The following CDK13 variants were observed in gnomAD, a reference collection of about 807,000 sequenced individuals.
CDK13 encodes the protein cyclin dependent kinase 13.
A neutral mutation model predicts 137.6 loss-of-function variants in CDK13; 40 were observed. The ratio of observed to expected loss-of-function variants is 0.29; its 90% CI spans 0.23 to 0.38. The LOEUF is 0.38. Ranked by LOEUF, CDK13 falls within the 10% of genes least tolerant of loss-of-function variation. The pLI is 1.00. For synonymous variants in CDK13, 869 were observed against 760.1 expected, an observed-to-expected ratio of 1.14 and a Z score of -2.36; for missense variants, 1,704 against 1,951.8, an observed-to-expected ratio of 0.87 and a Z score of 2.39.
chr7:40,004,399 G>T (rs1391302003), intron 5 of CDK13, among the ~76,000 whole-genome samples: 1 of 152,110 alleles, frequency 6.6e-6, no homozygotes, highest in Non-Finnish European at 1.5e-5. Context: ...TGATAAATAA[G>T]AATGTGTTCT....
In CDK13 at chr7:39,997,486, ACTTT is replaced by A. The variant is rs752595381; in HGVS notation, c.1872-6_1872-3del. The A allele has an allele frequency of 1.9e-6, 3 of 1,585,974 alleles. No individual in the cohort carries two copies. Among genetic ancestry groups the A allele is most frequent in the Admixed American group, 4.0e-5 (2 of 49,776 alleles). On this transcript the variant is annotated splice_polypyrimidine_tract_variant and splice_region_variant and intron_variant, in intron 2 of 13. Transcript: ENST00000181839. ...TTGTTTTATTTGTCTGACTTCTTTCACTTTCAGCTTACGAGGAAATATTTCAGTA... is the reference window on the plus strand; with the variant it reads ...TTGTTTTATTTGTCTGACTTCTTTCACAGCTTACGAGGAAATATTTCAGTA...
Position 39,950,748 on chromosome 7 carries a change from A to G in CDK13, c.107A>G (p.Gln36Arg). ...RKRRRFLSPQ[Q>R]PPLLLPLLQP... ...CGGAGGCGATTCCTGTCCCCTCAGC[A>G]GCCGCCGCTGCTGTTGCCGCTCCTG... Residue 36 changes from glutamine (Q) to arginine (R), a missense_variant, in exon 1 of 14, where the codon CAG becomes CGG. Around this residue, in one of 5 missense-constraint regions of CDK13, gnomAD observed 1,051 missense variants for 931.0 expected, o/e 1.13. Coordinates refer to ENST00000181839, the MANE Select transcript of CDK13 (RefSeq NM_003718.5). 6.8e-7 allele frequency: 1 copy of G among 1,474,688 alleles called. No individual in the cohort carries two copies. The highest frequency in any genetic ancestry group is 8.9e-7 in the Non-Finnish European group (1 of 1,120,774). The allele number at this position is 1,474,688 out of a possible 1,614,324, so 91.4% of individuals were successfully genotyped here.
At chr7:40,060,094 AAG>A (rs1175132039) in intron 7 of CDK13, among the ~76,000 whole-genome samples, 1 of 152,182 alleles carries the variant, frequency 6.6e-6, no homozygotes, top group East Asian at 1.9e-4. Context: ...AATTAATAAA[AAG>A]TATATTCTAG....
chr7:40,004,298 G>C (rs146514085), intron 5 of CDK13, among the ~76,000 whole-genome samples: 1 of 151,958 alleles, frequency 6.6e-6, no homozygotes, highest in South Asian at 2.1e-4. Context: ...AGTGCCTAGC[G>C]CTGCATTTCA....
At chr7:40,081,773 C>T (rs373554934) in intron 11 of CDK13, among the ~76,000 whole-genome samples, 80 of 152,012 alleles carry the variant, frequency 5.3e-4, no homozygotes, top group Admixed American at 5.9e-4. Flanking sequence ...CTACCACGCC[C>T]GGCTAATTTT....
At position 40,017,909 on chromosome 7, in the gene CDK13, A is replaced by G. The variant is rs1785035556; in HGVS notation, c.2353+15878A>G. ...CAGTGTTCTGCCATCTTTAGCCTGT[A>G]TGAAATTCCCACGTTCTTTTTTTTT... On this transcript the variant is annotated intron_variant, in intron 5 of 13. Coordinates refer to ENST00000181839, the MANE Select transcript of CDK13 (RefSeq NM_003718.5). 2.0e-5 allele frequency among the ~76,000 whole-genome samples: 3 copies of G among 151,034 alleles called. No homozygotes were observed. The South Asian group carries it at 6.2e-4, about 31-fold the overall frequency.
At chr7:40,012,214 G>C (rs1344580321) in intron 5 of CDK13, among the ~76,000 whole-genome samples, 1 of 152,182 alleles carries the variant, frequency 6.6e-6, no homozygotes, top group Non-Finnish European at 1.5e-5. Flanking sequence ...TACAGAGAGA[G>C]TACAATGGTG....
chr7:39,968,073 G>A (rs900203664), intron 1 of CDK13, among the ~76,000 whole-genome samples: 26 of 152,050 alleles, frequency 1.7e-4, no homozygotes, highest in African/African-American at 4.8e-4. Context: ...TCCTTTGCCC[G>A]TTTTTGAAAT....
intron 1 of CDK13, chr7:39,952,700 A>C (rs1204672333): frequency 6.6e-6 from 1 of 152,174 alleles, no homozygotes; most frequent in Non-Finnish European, 1.5e-5. Flanking sequence ...TTTTTCTTAG[A>C]TATATACCCG....
chr7:40,092,165 AT>A (rs1422798066), intron 12 of CDK13: 2 of 152,214 alleles, frequency 1.3e-5, no homozygotes, highest in Non-Finnish European at 2.9e-5. Flanking sequence ...AATCTGAAAA[AT>A]GTCATGATTT....
intron 9 of CDK13, among the ~76,000 whole-genome samples, chr7:40,068,527 CTA>C (rs1786334263): frequency 6.6e-6 from 1 of 151,422 alleles, no homozygotes; most frequent in Non-Finnish European, 1.5e-5. Flanking sequence ...ATCCCTGTCT[CTA>C]CTAAAAATAC....
chr7:40,007,887 G>A (rs1000091840), intron 5 of CDK13, among the ~76,000 whole-genome samples: 1 of 152,202 alleles, frequency 6.6e-6, no homozygotes, highest in Non-Finnish European at 1.5e-5. Context: ...TGGAGAGGTA[G>A]GAATGTTCTG....
Position 40,003,206 on chromosome 7 carries a change from A to ACACACACTCT in CDK13, c.2353+1176_2353+1177insACACACTCTC, listed in dbSNP as rs374470130. On this transcript the variant is annotated intron_variant, in intron 5 of 13. Coordinates refer to ENST00000181839, the MANE Select transcript of CDK13 (RefSeq NM_003718.5). ...CACACACACACACACACACACACAC[A>ACACACACTCT]CTCTCTCTCTCTCTCTCTCTTACTC... is the stretch of plus-strand genomic sequence containing the variant. Among the ~76,000 whole-genome samples the ACACACACTCT allele has an allele frequency of 1.6e-4, 13 of 79,900 alleles. 1 individual carries two copies. Among genetic ancestry groups the ACACACACTCT allele is most frequent in the East Asian group, 8.3e-4 (2 of 2,410 alleles). 52.4% of individuals were successfully genotyped at this position (79,900 alleles called of 152,430 possible). A position where few individuals can be genotyped will look rare whatever the true frequency, so the allele number is the denominator to read the frequency against.
At chr7:40,075,197 A>T (rs1399034938) in intron 9 of CDK13, among the ~76,000 whole-genome samples, 1 of 152,162 alleles carries the variant, frequency 6.6e-6, no homozygotes, top group Non-Finnish European at 1.5e-5. Context: ...CCCAAAGTAT[A>T]CCTCAGGTAA....
At chr7:40,065,482 CAAA>C (rs916024990) in intron 9 of CDK13, among the ~76,000 whole-genome samples, 1 of 148,284 alleles carries the variant, frequency 6.7e-6, no homozygotes, top group Non-Finnish European at 1.5e-5. Context: ...AAAAAAATTC[CAAA>C]AAAAAAATCT....
intron 1 of CDK13, among the ~76,000 whole-genome samples, chr7:39,974,141 G>A (rs576515137): frequency 1.3e-5 from 2 of 152,256 alleles, no homozygotes; most frequent in South Asian, 2.1e-4. Flanking sequence ...TTGATAGGGA[G>A]TACATTGATT....
At chr7:39,972,589 G>A (rs931357135) in intron 1 of CDK13, among the ~76,000 whole-genome samples, 8 of 152,138 alleles carry the variant, frequency 5.3e-5, no homozygotes, top group Non-Finnish European at 5.9e-5. Context: ...GATCTTTTAT[G>A]GCTGGATTCT....
Position 39,950,856 on chromosome 7 carries a change from C to T in CDK13, c.215C>T (p.Ala72Val). Reference protein sequence around the residue: ...AAPGTAAAAAAAAAASSSCFS... With the variant: ...AAPGTAAAAAVAAAASSSCFS... ...CCCGGCACGGCCGCCGCCGCAGCCGCCGCCGCCGCGGCCTCCTCCTCTTGC... is the reference window on the plus strand; with the variant it reads ...CCCGGCACGGCCGCCGCCGCAGCCGTCGCCGCCGCGGCCTCCTCCTCTTGC... Residue 72 changes from alanine (A) to valine (V), a missense_variant, in exon 1 of 14, where the codon GCC (alanine) becomes GTC (valine). Coordinates refer to ENST00000181839, the MANE Select transcript of CDK13 (RefSeq NM_003718.5). 1 of 1,371,424 alleles carries T rather than the reference C, an allele frequency of 7.3e-7. No individual in the cohort carries two copies. Among genetic ancestry groups the T allele is most frequent in the Non-Finnish European group, 9.3e-7 (1 of 1,073,592 alleles). 85.0% of individuals were successfully genotyped at this position (1,371,424 alleles called of 1,614,324 possible). A position where few individuals can be genotyped will look rare whatever the true frequency, so the allele number is the denominator to read the frequency against.
chr7:40,093,078 G>A lies in CDK13; in HGVS notation c.3529G>A (p.Ala1177Thr). ...TAAAGTGGAGACTGATGCTGCCCAG[G>A]CGGCTGTGCAGAGTGCATTTGCAGT... ...QPKVETDAAQAAVQSAFAVLL... is the reference protein window; with the variant it reads ...QPKVETDAAQTAVQSAFAVLL... Residue 1177 changes from alanine (A) to threonine (T), a missense_variant, in exon 13 of 14, where the codon GCG becomes ACG. By Grantham distance (58) the Ala-to-Thr change is moderately conservative. Transcript: ENST00000181839. 6.2e-7 allele frequency: 1 copy of A among 1,614,172 alleles called. No individual in the cohort carries two copies. Among genetic ancestry groups the A allele is most frequent in the South Asian group, 1.1e-5 (1 of 91,082 alleles).
Sources: gnomAD v4.1 joint callset for allele counts (sites outside exome capture counted in the v4.1 genomes callset) on GRCh38, gnomAD v4.1.1 for gene constraint, gnomAD v4.1.1 regional missense constraint, MANE v1.5 for transcripts, NCBI Gene and HGNC (gene_info 2026-07-23, HGNC 2026-07-21) for gene names.